ANK3: variants seen among roughly 807,000 people sequenced by gnomAD.
ANK3 encodes the protein ankyrin-3.
ANK3 carries 57 observed loss-of-function variants against 370.9 expected under a neutral mutation model. That is an observed-to-expected ratio of 0.15 (90% CI 0.12 to 0.19). The LOEUF (loss-of-function observed/expected upper bound fraction) is 0.19. ANK3 is among the 10% of genes least tolerant of loss of function. The pLI is 1.00. For synonymous variants in ANK3, 1,929 were observed against 1,946.3 expected (o/e 0.99, Z 0.23); for missense variants, 4,439 against 5,302.1 (o/e 0.84, Z 5.06).
At chr10:60,492,842 C>T (rs1288482150) in intron 2 of ANK3, among the ~76,000 whole-genome samples, 27 of 150,488 alleles carry the variant, frequency 1.8e-4, no homozygotes, top group Non-Finnish European at 3.4e-4. Flanking sequence ...TTTGGGAGGC[C>T]GAGACAGGCA....
intron 27 of ANK3, 27 bp downstream of exon 27, chr10:60,108,803 A>G (rs753286353): frequency 1.9e-6 from 3 of 1,596,462 alleles, no homozygotes; most frequent in African/African-American, 1.3e-5. Context: ...TGTGAGGGCC[A>G]AGGTTAAAAT....
intron 18 of ANK3, among the ~76,000 whole-genome samples, chr10:60,176,591 G>A (rs1380366675): frequency 1.3e-5 from 2 of 151,736 alleles, no homozygotes; most frequent in Non-Finnish European, 1.5e-5. Flanking sequence ...GCAAAACCCT[G>A]TCTCTACTAA....
chr10:60,226,574 G>C (rs796196766), intron 8 of ANK3, among the ~76,000 whole-genome samples: 4 of 8,558 alleles, frequency 4.7e-4, no homozygotes, highest in Admixed American at 1.1e-3. Context: ...CATAGTATAT[G>C]TATATATACT....
chr10:60,426,345 C>T (rs888069575), intron 2 of ANK3, among the ~76,000 whole-genome samples: 5 of 152,088 alleles, frequency 3.3e-5, no homozygotes, highest in African/African-American at 1.2e-4. Context: ...TAAATTTAGT[C>T]ACAACCTCAA....
At chr10:60,601,367 C>T (rs971658868) in intron 2 of ANK3, among the ~76,000 whole-genome samples, 1 of 151,818 alleles carries the variant, frequency 6.6e-6, no homozygotes. Context: ...TTGTTCAGGT[C>T]GTCAAGGTTA....
At chr10:60,243,431 T>C (rs1430739178) in intron 7 of ANK3, among the ~76,000 whole-genome samples, 1 of 152,206 alleles carries the variant, frequency 6.6e-6, no homozygotes, top group Non-Finnish European at 1.5e-5. Context: ...GAACTGGACA[T>C]GCATACTCTT....
chr10:60,506,067 A>T (rs1468664716), intron 2 of ANK3, among the ~76,000 whole-genome samples: 1 of 152,114 alleles, frequency 6.6e-6, no homozygotes, highest in Non-Finnish European at 1.5e-5. Flanking sequence ...AGCACAACAG[A>T]AGAGAAAAAA....
chr10:60,149,866 G>A (rs184277733), intron 23 of ANK3, among the ~76,000 whole-genome samples: 36 of 152,208 alleles, frequency 2.4e-4, no homozygotes, highest in African/African-American at 7.7e-4. Flanking sequence ...CCACCACCAC[G>A]CCTGGCTACT....
rs528682163 is a variant in ANK3, at chr10:60,037,948, C to T, written c.*19+4724G>A. Among the ~76,000 whole-genome samples the T allele has an allele frequency of 2.6e-5, 4 of 152,314 alleles. No homozygotes were observed. In the East Asian group the frequency reaches 5.8e-4, roughly 22 times the overall value. On this transcript the variant is annotated intron_variant, in intron 43 of 43. Coordinates refer to ENST00000280772, the MANE Select transcript of ANK3 (RefSeq NM_020987.5). ...TGTTTCCTTTTCTCCACAACCTTGC[C>T]AGCACCTGTTATTTTTTGAGTTTTT... is the stretch of plus-strand genomic sequence containing the variant.
At chr10:60,727,069 A>G (rs966655713) in intron 1 of ANK3, among the ~76,000 whole-genome samples, 4 of 152,138 alleles carry the variant, frequency 2.6e-5, no homozygotes, top group African/African-American at 9.7e-5. Flanking sequence ...ATTTTCTTAC[A>G]GAGTTAAGTA....
At chr10:60,592,493 C>T (rs1567169081) in intron 2 of ANK3, among the ~76,000 whole-genome samples, 1 of 152,322 alleles carries the variant, frequency 6.6e-6, no homozygotes, top group South Asian at 2.1e-4. Context: ...GGCATGGTAG[C>T]TCACGCCTGT....
intron 23 of ANK3, among the ~76,000 whole-genome samples, chr10:60,147,708 C>G (rs2094902049): frequency 6.6e-6 from 1 of 152,146 alleles, no homozygotes; most frequent in Admixed American, 6.5e-5. Context: ...TCCCCTTCCT[C>G]TCTCTTCCTC....
intron 7 of ANK3, among the ~76,000 whole-genome samples, chr10:60,260,076 T>G (rs2097782560): frequency 1.3e-5 from 2 of 152,206 alleles, no homozygotes; most frequent in Admixed American, 6.5e-5. Context: ...TTTCTATTAG[T>G]ACAATCTCAG....
At chr10:60,183,661 C>G (rs7073556) in intron 17 of ANK3, among the ~76,000 whole-genome samples, 35,768 of 151,794 alleles carry the variant, frequency 0.24, 4,433 homozygotes, top group Non-Finnish European at 0.27. Flanking sequence ...GAGTTTGAGA[C>G]CAGCCTGACC....
chr10:60,370,327 T>C (rs549343472), intron 1 of ANK3, among the ~76,000 whole-genome samples: 47 of 152,334 alleles, frequency 3.1e-4, no homozygotes, highest in African/African-American at 1.0e-3. Flanking sequence ...AAACTTTTAA[T>C]GCTATTACAG....
At chr10:60,320,400 C>T (rs1346313929) in intron 1 of ANK3, among the ~76,000 whole-genome samples, 1 of 152,152 alleles carries the variant, frequency 6.6e-6, no homozygotes, top group Non-Finnish European at 1.5e-5. Flanking sequence ...TGGAGATCTG[C>T]CTGGCCAACA....
intron 1 of ANK3, among the ~76,000 whole-genome samples, chr10:60,297,682 C>A (rs1420555402): frequency 6.6e-6 from 1 of 152,030 alleles, no homozygotes; most frequent in East Asian, 1.9e-4. Flanking sequence ...ATTGTAAATT[C>A]TTTTTGGTCT....
At chr10:60,066,601 G>A (rs1335652703) in intron 38 of ANK3, among the ~76,000 whole-genome samples, 1 of 151,828 alleles carries the variant, frequency 6.6e-6, no homozygotes, top group Non-Finnish European at 1.5e-5. Flanking sequence ...TAGTGGTGGT[G>A]GGGGTGGACG....
chr10:60,353,517 A>C (rs2057267602), intron 1 of ANK3, among the ~76,000 whole-genome samples: 1 of 152,062 alleles, frequency 6.6e-6, no homozygotes, highest in African/African-American at 2.4e-5. Context: ...TCCTTTTGTC[A>C]TTAATTTTGC....
Sources: allele counts gnomAD v4.1 joint callset (sites outside exome capture counted in the v4.1 genomes callset), GRCh38; gene constraint gnomAD v4.1.1; transcripts MANE v1.5; gene names NCBI Gene and HGNC (gene_info 2026-07-23, HGNC 2026-07-21).